Variants in GPATCH2L observed in about 807,000 individuals in gnomAD.
GPATCH2L encodes the protein G patch domain-containing protein 2-like.
GPATCH2L carries 31 observed loss-of-function variants against 57.4 expected under a neutral mutation model. The ratio of observed to expected loss-of-function variants is 0.54; its 90% confidence interval spans 0.41 to 0.73. The LOEUF is 0.73. GPATCH2L is among the 30% of genes least tolerant of loss of function. GPATCH2L has a pLI of 0.00. For missense variants in GPATCH2L, 481 were observed against 599.9 expected, an observed-to-expected ratio of 0.80 and a Z score of 2.07; for synonymous variants, 199 against 210.7, an observed-to-expected ratio of 0.94 and a Z score of 0.48.
At chr14:76,190,192 TAAC>T (rs1357027044) in intron 8 of GPATCH2L, among the ~76,000 whole-genome samples, 3 of 152,162 alleles carry the variant, frequency 2.0e-5, no homozygotes, top group African/African-American at 7.2e-5. Flanking sequence ...ACTGCAGTTT[TAAC>T]AACTCACCTG....
intron 8 of GPATCH2L, among the ~76,000 whole-genome samples, chr14:76,195,377 A>G (rs1057101174): frequency 1.5e-4 from 23 of 152,210 alleles, no homozygotes; most frequent in African/African-American, 5.3e-4. Context: ...AGCATAATTA[A>G]TATTTTTAAA....
chr14:76,193,696 C>T (rs1323459410), intron 8 of GPATCH2L, among the ~76,000 whole-genome samples: 1 of 152,164 alleles, frequency 6.6e-6, no homozygotes. Flanking sequence ...TGTCTTCCCC[C>T]TCACCACTGC....
At chr14:76,235,468 C>T (rs918095889) in intron 2 of GPATCH2L, among the ~76,000 whole-genome samples, 2 of 152,202 alleles carry the variant, frequency 1.3e-5, no homozygotes, top group African/African-American at 4.8e-5. Flanking sequence ...CACGCCTTTG[C>T]TTCTCCTTTG....
Position 76,233,045 on chromosome 14 carries a change from C to T in GPATCH2L, c.*117+3092C>T, listed in dbSNP as rs79218151. ...CAAGGTCCAAAAGCTCACCTTCCTG[C>T]AGCAGAGTACAAAGGCCAGACTGCT... On this transcript the variant is annotated intron_variant and NMD_transcript_variant, in intron 2 of 3. Transcript: ENST00000556372. 6.0e-3 allele frequency among the ~76,000 whole-genome samples: 909 copies of T among 152,350 alleles called. 11 individuals are homozygous for T. The highest frequency in any genetic ancestry group is 0.021 in the African/African-American group (891 of 41,572).
intron 1 of GPATCH2L, chr14:76,153,815 C>G (rs1344426219): frequency 1.3e-5 from 2 of 152,264 alleles, no homozygotes; most frequent in East Asian, 3.8e-4. Context: ...CTTTCTGTTT[C>G]TTTCTGCCAT....
In GPATCH2L at chr14:76,154,669, C is replaced by A. The variant is rs1204779171; in HGVS notation, c.306C>A (p.Ala102=). ...MVAKRHPALN[A]IVKSKQHSWH... ...CCAAACGACACCCAGCTCTCAATGC[C>A]ATTGTCAAGAGTAAGCAACATTCTT... The change falls in exon 2 of 10, where the codon GCC becomes GCA. Residue 102 remains alanine, a synonymous_variant. Coordinates refer to ENST00000261530, the MANE Select transcript of GPATCH2L (RefSeq NM_017926.4). The surrounding 1 kb of genome is among the most constrained non-coding windows in gnomAD (Gnocchi z 4.4). 6.2e-7 allele frequency: 1 copy of A among 1,614,088 alleles called. No homozygotes were observed. The highest frequency in any genetic ancestry group is 1.3e-5 in the African/African-American group (1 of 74,920).
rs2040403414 is a variant in GPATCH2L at position 76,208,431 on chromosome 14, C to T, written c.*6580C>T. 1 of 152,082 alleles carries T rather than the reference C, an allele frequency of 6.6e-6. No individual in the cohort carries two copies. The highest frequency in any genetic ancestry group is 1.5e-5 in the Non-Finnish European group (1 of 68,014). 9.4% of individuals were successfully genotyped at this position (152,082 alleles called of 1,614,324 possible). ...TTGCTCTCAGTATTGATGTCAAACTCCCTCCTGTTGTCAGCAGCTTATTGC... is the reference window on the plus strand; with the variant it reads ...TTGCTCTCAGTATTGATGTCAAACTTCCTCCTGTTGTCAGCAGCTTATTGC... On this transcript the variant is annotated 3_prime_UTR_variant, in exon 10 of 10. Coordinates refer to ENST00000261530, the MANE Select transcript of GPATCH2L (RefSeq NM_017926.4).
intron 3 of GPATCH2L, 35 bp downstream of exon 3, chr14:76,166,762 G>A (rs368346751): frequency 1.4e-5 from 20 of 1,385,668 alleles, no homozygotes; most frequent in African/African-American, 2.8e-5. Context: ...CCTTGGTTCC[G>A]TGTTTATGGA....
rs563077561 is a variant in GPATCH2L at position 76,199,750 on chromosome 14, TA to T, written c.1289-1934del. ...ATGCATTGCTGTGGAAAACAGCATG[TA>T]AAAAAACAGTTCCTCAAAAAGTTAA... is the stretch of plus-strand genomic sequence containing the variant. On this transcript the variant is annotated intron_variant, in intron 9 of 9. Coordinates refer to ENST00000261530, the MANE Select transcript of GPATCH2L (RefSeq NM_017926.4). Among the ~76,000 whole-genome samples the T allele has an allele frequency of 1.2e-3, 190 of 152,222 alleles. 1 individual carries two copies. The highest frequency in any genetic ancestry group is 4.2e-3 in the African/African-American group (176 of 41,534).
At chr14:76,189,348 T>G (rs944325748) in intron 8 of GPATCH2L, among the ~76,000 whole-genome samples, 2 of 147,616 alleles carry the variant, frequency 1.4e-5, no homozygotes, top group Admixed American at 6.8e-5. Flanking sequence ...ATGGAATATC[T>G]CTCAGTTTTT....
intron 1 of GPATCH2L, among the ~76,000 whole-genome samples, chr14:76,222,145 A>G (rs1488672014): frequency 6.6e-6 from 1 of 152,236 alleles, no homozygotes. Flanking sequence ...TATTTTAAAA[A>G]TAGAAAAAAG....
At chr14:76,172,335 G>A (rs1042727816) in intron 4 of GPATCH2L, among the ~76,000 whole-genome samples, 11 of 152,174 alleles carry the variant, frequency 7.2e-5, no homozygotes, top group East Asian at 1.9e-4. Context: ...ATTGAGTATC[G>A]GATTTTGGAA....
chr14:76,168,577 A>T (rs920972136), intron 3 of GPATCH2L, among the ~76,000 whole-genome samples: 8 of 152,186 alleles, frequency 5.3e-5, no homozygotes, highest in African/African-American at 1.9e-4. Context: ...AGGAGCAATG[A>T]TGATAGGCGG....
intron 8 of GPATCH2L, among the ~76,000 whole-genome samples, chr14:76,182,798 A>G (rs2039625898): frequency 1.3e-5 from 2 of 152,136 alleles, no homozygotes; most frequent in South Asian, 2.1e-4. Flanking sequence ...GAAGTTGACA[A>G]CTACAATAAA....
chr14:76,218,696 C>T (rs1425799537), downstream of GPATCH2L, among the ~76,000 whole-genome samples: 3 of 151,208 alleles, frequency 2.0e-5, no homozygotes, highest in Admixed American at 6.6e-5. Flanking sequence ...TAGAGGGAGA[C>T]TACTAGATAT....
chr14:76,170,921 G>A (rs979905861), intron 3 of GPATCH2L, among the ~76,000 whole-genome samples: 1 of 152,180 alleles, frequency 6.6e-6, no homozygotes, highest in Non-Finnish European at 1.5e-5. Flanking sequence ...TAGTTGCCTT[G>A]TTTGTAAGTT....
intron 3 of GPATCH2L, among the ~76,000 whole-genome samples, chr14:76,167,309 G>A (rs2038888255): frequency 6.6e-6 from 1 of 151,948 alleles, no homozygotes. Flanking sequence ...TATATATAAG[G>A]GTATTTTAGA....
chr14:76,155,186 A>G (rs1469487934), intron 2 of GPATCH2L, among the ~76,000 whole-genome samples, 161 bp downstream of exon 2: 2 of 152,236 alleles, frequency 1.3e-5, no homozygotes, highest in East Asian at 3.8e-4. Flanking sequence ...TTAAGGTACC[A>G]TTCATGAGTC....
chr14:76,208,210 C>A lies in GPATCH2L; in HGVS notation c.*6359C>A, dbSNP rs747735214. 7.2e-5 allele frequency: 11 copies of A among 152,060 alleles called. No individual in the cohort carries two copies. 9.4% of individuals were successfully genotyped at this position (152,060 alleles called of 1,614,324 possible). A position where few individuals can be genotyped will look rare whatever the true frequency, so the allele number is the denominator to read the frequency against. ...CCTAAAAGTTCTGACCCTTGCTGAC[C>A]CCTCAATCAAATGTTTTTAATTGAA... On this transcript the variant is annotated 3_prime_UTR_variant, in exon 10 of 10. Coordinates refer to ENST00000261530, the MANE Select transcript of GPATCH2L (RefSeq NM_017926.4).
Sources: gnomAD v4.1 joint callset for allele counts (sites outside exome capture counted in the v4.1 genomes callset) on GRCh38, gnomAD v4.1.1 for gene constraint, Gnocchi (gnomAD v3.1) non-coding constraint, MANE v1.5 for transcripts, NCBI Gene and HGNC (gene_info 2026-07-23, HGNC 2026-07-21) for gene names.